RAB43: variants seen among roughly 807,000 people sequenced by gnomAD.
RAB43 encodes the protein RAB43, member RAS oncogene family, also known as ras-related protein Rab-43.
In RAB43, 6 loss-of-function variants were observed where a neutral mutation model predicts 18.8. The ratio of observed to expected loss-of-function variants is 0.32; its 90% CI spans 0.17 to 0.63. The LOEUF (loss-of-function observed/expected upper bound fraction) is 0.63. RAB43 is among the 30% of genes least tolerant of loss of function. The pLI, the probability that RAB43 is intolerant of heterozygous loss-of-function variation, is 0.79. For missense variants in RAB43, 195 were observed against 289.1 expected, an observed-to-expected ratio of 0.67 and a Z score of 2.36; for synonymous variants, 103 against 124.1, an observed-to-expected ratio of 0.83 and a Z score of 1.13.
At chr3:129,101,942 C>T (rs1934442038) in intron 1 of RAB43, among the ~76,000 whole-genome samples, 1 of 152,212 alleles carries the variant, frequency 6.6e-6, no homozygotes, top group Non-Finnish European at 1.5e-5. Context: ...CAAAGGCCTG[C>T]CCACACCGTG....
intron 1 of RAB43, among the ~76,000 whole-genome samples, chr3:129,098,786 T>G (rs1934224630): frequency 6.6e-6 from 1 of 152,136 alleles, no homozygotes; most frequent in Admixed American, 6.5e-5. Context: ...ATTATTAAAA[T>G]TACGGGCTGG....
intron 1 of RAB43, among the ~76,000 whole-genome samples, chr3:129,108,957 C>T (rs1297457635): frequency 1.3e-5 from 2 of 151,806 alleles, no homozygotes; most frequent in Non-Finnish European, 2.9e-5. Flanking sequence ...TAACTTTAGG[C>T]TCATCGAGTC....
intron 1 of RAB43, among the ~76,000 whole-genome samples, chr3:129,120,853 T>C (rs1935858553): frequency 6.6e-6 from 1 of 152,160 alleles, no homozygotes; most frequent in Non-Finnish European, 1.5e-5. Context: ...GATGCAGTTC[T>C]CTGGCTGAGT....
intron 1 of RAB43, among the ~76,000 whole-genome samples, chr3:129,101,005 C>A (rs1312777992): frequency 6.6e-6 from 1 of 152,106 alleles, no homozygotes; most frequent in African/African-American, 2.4e-5. Context: ...AGGGTTTCGC[C>A]ATGTTGGCCT....
chr3:129,095,014 C>T lies in RAB43; in HGVS notation c.360G>A (p.Ala120=), dbSNP rs368368130. Reference sequence around the variant, plus strand: ...TCAGCAGCTGCACAATGTTGGAGCCCGCATACTTCCTCACATCCTCAATCC... The same window carrying T: ...TCAGCAGCTGCACAATGTTGGAGCCTGCATACTTCCTCACATCCTCAATCC... ...PHWIEDVRKY[A]GSNIVQLLIG... The change falls in exon 2 of 3, where the codon GCG becomes GCA. Residue 120 remains alanine (A), a synonymous_variant. Transcript: ENST00000315150. The surrounding 1 kb of genome is among the most constrained non-coding windows in gnomAD (Gnocchi z 4.2). 38 of 1,611,538 alleles carry T rather than the reference C, an allele frequency of 2.4e-5. No individual in the cohort carries two copies. Among genetic ancestry groups the T allele is most frequent in the Middle Eastern group, 3.3e-4 (2 of 6,046 alleles).
rs910541729 is a variant in RAB43, at chr3:129,095,889, C to T, written c.205-720G>A. Among the ~76,000 whole-genome samples the T allele has an allele frequency of 1.1e-4, 17 of 152,214 alleles. No individual in the cohort carries two copies. Among genetic ancestry groups the T allele is most frequent in the African/African-American group, 3.9e-4 (16 of 41,452 alleles). Reference sequence around the variant, plus strand: ...CCCTAGTGTCTTTTAGAAGCAGAGTCTGGCAGGATGGATACCAGGCCAGGT... The same window carrying T: ...CCCTAGTGTCTTTTAGAAGCAGAGTTTGGCAGGATGGATACCAGGCCAGGT... On this transcript the variant is annotated intron_variant, in intron 1 of 2. Transcript: ENST00000315150. This position sits in a 1 kb window ranked among gnomAD's most constrained non-coding sequence, Gnocchi z 4.2.
intron 1 of RAB43, among the ~76,000 whole-genome samples, chr3:129,111,871 C>T: frequency 6.6e-6 from 1 of 151,988 alleles, no homozygotes; most frequent in East Asian, 1.9e-4. Context: ...TCCTAACTAG[C>T]AAACTGAAGT....
chr3:129,094,156 C>T (rs979090074), intron 2 of RAB43, among the ~76,000 whole-genome samples: 1 of 152,190 alleles, frequency 6.6e-6, no homozygotes, highest in Non-Finnish European at 1.5e-5. Context: ...CCACCCAGCC[C>T]GCCTGGATCA....
intron 2 of RAB43, among the ~76,000 whole-genome samples, chr3:129,093,565 G>C (rs531139360): frequency 6.6e-6 from 1 of 151,996 alleles, no homozygotes; most frequent in East Asian, 1.9e-4. Flanking sequence ...AGCCAAGATC[G>C]TGCCACTGCA....
At chr3:129,103,639 G>A (rs971568998) in intron 1 of RAB43, among the ~76,000 whole-genome samples, 3 of 151,370 alleles carry the variant, frequency 2.0e-5, no homozygotes, top group Non-Finnish European at 2.9e-5. Flanking sequence ...ATCTCTGCTC[G>A]CTGCAACCTC....
In RAB43 at chr3:129,105,921, C is replaced by T. The variant is rs571839231; in HGVS notation, c.205-10752G>A. 4.6e-5 allele frequency among the ~76,000 whole-genome samples: 7 copies of T among 152,278 alleles called. No individual in the cohort carries two copies. In the South Asian group the frequency reaches 1.5e-3, roughly 32 times the overall value. On this transcript the variant is annotated intron_variant, in intron 1 of 2. Coordinates refer to ENST00000315150, the MANE Select transcript of RAB43 (RefSeq NM_198490.3). Reference sequence around the variant, plus strand: ...GAATGGGTTCCCTGAGGAGAAAGACCCTGTCTTATTCCTCTTGGCACCATC... The same window carrying T: ...GAATGGGTTCCCTGAGGAGAAAGACTCTGTCTTATTCCTCTTGGCACCATC...
rs564093434 is a variant in RAB43 at position 129,107,329 on chromosome 3, A to G, written c.205-12160T>C. Among the ~76,000 whole-genome samples, 71 of 152,266 alleles carry G rather than the reference A, an allele frequency of 4.7e-4. No homozygotes were observed. The highest frequency in any genetic ancestry group is 1.5e-3 in the Admixed American group (23 of 15,298). On this transcript the variant is annotated intron_variant, in intron 1 of 2. Transcript: ENST00000315150. The surrounding 1 kb of genome is among the most constrained non-coding windows in gnomAD (Gnocchi z 4.2). ...TCAAACCCGTTCCTGAACAGCTTGG[A>G]TGAGAAAAAGGTGCACTGTGGGAAA...
intron 1 of RAB43, among the ~76,000 whole-genome samples, chr3:129,116,426 C>A (rs1037835777): frequency 6.6e-6 from 1 of 152,208 alleles, no homozygotes; most frequent in African/African-American, 2.4e-5. Context: ...TCTAACAGTC[C>A]TTTTGCTATT....
chr3:129,091,009 AGGAGGGCTGGCTCT>A lies in RAB43; in HGVS notation c.*73_*86del. ...CCGGCTGCTGTAGTTGCCGGTACCC[AGGAGGGCTGGCTCT>A]GGAGGGCTGGGCTTGGCAGGCTGGG... is the stretch of plus-strand genomic sequence containing the variant. On this transcript the variant is annotated 3_prime_UTR_variant, in exon 3 of 3. Transcript: ENST00000315150. 2 of 1,139,090 alleles carry A rather than the reference AGGAGGGCTGGCTCT, an allele frequency of 1.8e-6. No individual in the cohort carries two copies. Among genetic ancestry groups the A allele is most frequent in the African/African-American group, 1.6e-5 (1 of 64,142 alleles). 70.6% of individuals were successfully genotyped at this position (1,139,090 alleles called of 1,614,324 possible).
intron 2 of RAB43, 120 bp downstream of exon 2, chr3:129,094,866 T>C: frequency 1.5e-6 from 2 of 1,375,778 alleles, no homozygotes; most frequent in Non-Finnish European, 1.9e-6. Context: ...TGCAAAACCA[T>C]GGCTCAAACT....
chr3:129,120,747 A>G (rs1264638610), intron 1 of RAB43, among the ~76,000 whole-genome samples: 2 of 152,192 alleles, frequency 1.3e-5, no homozygotes, highest in Non-Finnish European at 2.9e-5. Context: ...AAGAGACTGC[A>G]GGGAGGCGTG....
intron 1 of RAB43, among the ~76,000 whole-genome samples, chr3:129,101,751 A>G (rs1934428186): frequency 6.6e-6 from 1 of 152,256 alleles, no homozygotes. Context: ...GAGCCAGAGC[A>G]TATAGGATCT....
chr3:129,087,978 A>C lies in RAB43; in HGVS notation c.*3118T>G. 1 of 145,494 alleles carries C rather than the reference A, an allele frequency of 6.9e-6. No homozygotes were observed. The highest frequency in any genetic ancestry group is 1.5e-5 in the Non-Finnish European group (1 of 66,674). 9.0% of individuals were successfully genotyped at this position (145,494 alleles called of 1,614,324 possible). A position where few individuals can be genotyped will look rare whatever the true frequency, so the allele number is the denominator to read the frequency against. On this transcript the variant is annotated 3_prime_UTR_variant, in exon 3 of 3. Coordinates refer to ENST00000315150, the MANE Select transcript of RAB43 (RefSeq NM_198490.3). ...CCCCTCCCCTGCACTCTGGCCCCTGACCCCACCTGTTCCCACTCTTTGGCA... is the reference window on the plus strand; with the variant it reads ...CCCCTCCCCTGCACTCTGGCCCCTGCCCCCACCTGTTCCCACTCTTTGGCA...
At position 129,095,289 on chromosome 3, in the gene RAB43, G is replaced by T; in HGVS notation, c.205-120C>A. On this transcript the variant is annotated intron_variant, in intron 1 of 2. Transcript: ENST00000315150. This position sits in a 1 kb window ranked among gnomAD's most constrained non-coding sequence, Gnocchi z 4.2. Reference sequence around the variant, plus strand: ...TCCACTGGGCTAGGAGGCCTTCTGAGTCCTTAGAAAGCAACTCAATGGCTC... The same window carrying T: ...TCCACTGGGCTAGGAGGCCTTCTGATTCCTTAGAAAGCAACTCAATGGCTC... 1 of 1,385,774 alleles carries T rather than the reference G, an allele frequency of 7.2e-7. No homozygotes were observed. Among genetic ancestry groups the T allele is most frequent in the Non-Finnish European group, 9.6e-7 (1 of 1,040,458 alleles). 85.8% of individuals were successfully genotyped at this position (1,385,774 alleles called of 1,614,324 possible). A position where few individuals can be genotyped will look rare whatever the true frequency, so the allele number is the denominator to read the frequency against.
Sources: gnomAD v4.1 joint callset for allele counts (sites outside exome capture counted in the v4.1 genomes callset) on GRCh38, gnomAD v4.1.1 for gene constraint, Gnocchi (gnomAD v3.1) non-coding constraint, MANE v1.5 for transcripts, NCBI Gene and HGNC (gene_info 2026-07-23, HGNC 2026-07-21) for gene names.